STAMBPL1: variants seen among roughly 807,000 people sequenced by gnomAD.
The protein encoded by STAMBPL1 is AMSH-like protease.
STAMBPL1 carries 44 observed loss-of-function variants against 52.9 expected under a neutral mutation model. The ratio of observed to expected loss-of-function variants is 0.83; its 90% CI spans 0.65 to 1.07. The LOEUF (loss-of-function observed/expected upper bound fraction) is 1.07. Among genes scored for constraint, STAMBPL1 ranks in the 50% least tolerant of loss-of-function variants. The pLI, the probability that STAMBPL1 is intolerant of heterozygous loss-of-function variation, is 0.00. For synonymous variants in STAMBPL1, 164 were observed against 177.3 expected (o/e 0.92, Z 0.60); for missense variants, 511 against 520.8 (o/e 0.98, Z 0.18).
At chr10:88,898,529 A>G (rs748615097) in intron 1 of STAMBPL1, among the ~76,000 whole-genome samples, 15 of 152,192 alleles carry the variant, frequency 9.9e-5, no homozygotes, top group Non-Finnish European at 1.5e-4. Flanking sequence ...CAGCTAATAC[A>G]TGGTTCAAAA....
chr10:88,880,905 A>G (rs1844386667), intron 1 of STAMBPL1, among the ~76,000 whole-genome samples: 1 of 152,166 alleles, frequency 6.6e-6, no homozygotes, highest in Non-Finnish European at 1.5e-5. Flanking sequence ...ATAGGGAGGC[A>G]GGAAGACCTG....
intron 1 of STAMBPL1, among the ~76,000 whole-genome samples, chr10:88,893,063 G>C (rs1844726878): frequency 6.6e-6 from 1 of 152,138 alleles, no homozygotes; most frequent in African/African-American, 2.4e-5. Flanking sequence ...GTGCCTTATG[G>C]GTAGCTTATC....
rs142308349 is a variant in STAMBPL1, at chr10:88,892,023, G to GA, written c.-53-9624dup. Among the ~76,000 whole-genome samples, 1,208 of 148,202 alleles carry GA rather than the reference G, an allele frequency of 8.2e-3. 13 individuals are homozygous for GA. Among genetic ancestry groups the GA allele is most frequent in the South Asian group, 0.043 (202 of 4,708 alleles). The stretch of plus-strand genomic sequence containing the variant: ...AAAGCTCAAATTAAGCTGAAGCCAT[G>GA]AAAAAAAAAGGTGTCTTATAGAATA... On this transcript the variant is annotated intron_variant, in intron 1 of 10. Coordinates refer to ENST00000371926, the MANE Select transcript of STAMBPL1 (RefSeq NM_020799.4).
chr10:88,897,408 G>T (rs572124045), intron 1 of STAMBPL1, among the ~76,000 whole-genome samples: 1 of 152,260 alleles, frequency 6.6e-6, no homozygotes, highest in Admixed American at 6.5e-5. Context: ...GAAAAAAAAT[G>T]ATGATGTCTT....
At chr10:88,899,119 G>T (rs1158235544) in intron 1 of STAMBPL1, among the ~76,000 whole-genome samples, 3 of 152,156 alleles carry the variant, frequency 2.0e-5, no homozygotes, top group African/African-American at 7.2e-5. Flanking sequence ...TCTTGGATAT[G>T]TAGCTTCCAA....
intron 1 of STAMBPL1, among the ~76,000 whole-genome samples, chr10:88,881,898 C>G (rs1385709275): frequency 6.6e-6 from 1 of 152,204 alleles, no homozygotes; most frequent in Non-Finnish European, 1.5e-5. Context: ...TAATGTGTCG[C>G]TGAGCAGTAG....
chr10:88,920,285 T>G (rs1424440523), intron 8 of STAMBPL1, among the ~76,000 whole-genome samples: 2 of 152,240 alleles, frequency 1.3e-5, no homozygotes, highest in Non-Finnish European at 1.5e-5. Flanking sequence ...CAACAGCTAA[T>G]GACTTTTATT....
At chr10:88,883,982 C>G (rs1291516354) in intron 1 of STAMBPL1, among the ~76,000 whole-genome samples, 1 of 152,100 alleles carries the variant, frequency 6.6e-6, no homozygotes, top group Non-Finnish European at 1.5e-5. Flanking sequence ...TTCAGGATGA[C>G]AGATTAGAAA....
At chr10:88,915,797 G>A (rs1276350175) in intron 7 of STAMBPL1, among the ~76,000 whole-genome samples, 1 of 152,120 alleles carries the variant, frequency 6.6e-6, no homozygotes, top group African/African-American at 2.4e-5. Flanking sequence ...CCTTGTCTGA[G>A]GGGTCAAGAA....
intron 5 of STAMBPL1, chr10:88,912,790 G>A (rs1845260364): frequency 3.9e-6 from 1 of 258,430 alleles, no homozygotes; most frequent in Non-Finnish European, 7.4e-6. Flanking sequence ...ATATGGTCTT[G>A]TTGGTCTGAC....
intron 5 of STAMBPL1, chr10:88,912,504 A>G (rs944262723): frequency 6.6e-6 from 1 of 152,124 alleles, no homozygotes; most frequent in Non-Finnish European, 1.5e-5. Context: ...CTTATCCATA[A>G]ATTTCCAGCA....
rs1369020689 is a variant in STAMBPL1, at chr10:88,913,292, G to C, written c.612G>C (p.Glu204Asp). The change falls in exon 6 of 11, where the codon GAG (glutamate) becomes GAC (aspartate). Residue 204 changes from glutamate (E) to aspartate (D), a missense_variant. Around this residue, in one of 3 missense-constraint regions of STAMBPL1, gnomAD observed 358 missense variants for 343.5 expected, o/e 1.04. Transcript: ENST00000371926. ...MRSQQTSGLS[E>D]QIDGSALSCF... ...GTCAGCAAACCTCAGGGCTGTCAGA[G>C]CAGATTGATGGGAGCGCTTTGTCCT... 3.7e-6 allele frequency: 6 copies of C among 1,613,778 alleles called. No individual in the cohort carries two copies. The highest frequency in any genetic ancestry group is 1.7e-5 in the Admixed American group (1 of 59,956).
intron 4 of STAMBPL1, among the ~76,000 whole-genome samples, chr10:88,910,444 G>C (rs369374161): frequency 3.9e-5 from 6 of 152,244 alleles, no homozygotes; most frequent in African/African-American, 1.4e-4. Flanking sequence ...ATTAGGCTTG[G>C]GGGGGTCTGT....
At position 88,910,917 on chromosome 10, in the gene STAMBPL1, A is replaced by G. The variant is rs1246540667; in HGVS notation, c.326A>G (p.Lys109Arg). The change falls in exon 5 of 11, where the codon AAA (lysine) becomes AGA (arginine). Residue 109 changes from lysine (K) to arginine (R), a missense_variant and splice_region_variant. By Grantham distance (26) the Lys-to-Arg change is conservative. This residue lies in a region of STAMBPL1 where 358 missense variants were observed against 343.5 expected (regional missense o/e 1.04). Transcript: ENST00000371926. ...AVPEKQDIMKKLKEIAFPRTD... is the reference protein window; with the variant it reads ...AVPEKQDIMKRLKEIAFPRTD... ...AATATGTATATATATTTTTAAAAGA[A>G]ACTGAAGGAGATTGCATTCCCAAGG... The G allele has an allele frequency of 6.3e-7, 1 of 1,580,298 alleles. No individual in the cohort carries two copies. Among genetic ancestry groups the G allele is most frequent in the South Asian group, 1.2e-5 (1 of 82,976 alleles).
At chr10:88,885,120 A>G (rs766694506) in intron 1 of STAMBPL1, among the ~76,000 whole-genome samples, 1 of 152,220 alleles carries the variant, frequency 6.6e-6, no homozygotes, top group Non-Finnish European at 1.5e-5. Context: ...GCTCAGCATC[A>G]TAGGCTGGTA....
chr10:88,884,829 G>T (rs926192310), intron 1 of STAMBPL1, among the ~76,000 whole-genome samples: 92 of 152,310 alleles, frequency 6.0e-4, no homozygotes, highest in African/African-American at 2.1e-3. Context: ...TTGGAAACAG[G>T]ATACTTTTTC....
chr10:88,913,993 C>G (rs1845302810), intron 6 of STAMBPL1, among the ~76,000 whole-genome samples: 1 of 152,166 alleles, frequency 6.6e-6, no homozygotes, highest in African/African-American at 2.4e-5. Context: ...TGGCAAGTTT[C>G]CAAAACACAG....
In STAMBPL1 at chr10:88,904,545, A is replaced by T. The variant is rs531401203; in HGVS notation, c.31-898A>T. On this transcript the variant is annotated intron_variant, in intron 2 of 10. Coordinates refer to ENST00000371926, the MANE Select transcript of STAMBPL1 (RefSeq NM_020799.4). Reference sequence around the variant, plus strand: ...ATTTTTATCCATATTGTTTATGGTGACTTTCATGCTGAGAGCTGAATTCAA... The same window carrying T: ...ATTTTTATCCATATTGTTTATGGTGTCTTTCATGCTGAGAGCTGAATTCAA... Among the ~76,000 whole-genome samples, 7 of 152,298 alleles carry T rather than the reference A, an allele frequency of 4.6e-5. No homozygotes were observed. In the South Asian group the frequency reaches 1.4e-3, roughly 32 times the overall value.
intron 5 of STAMBPL1, 187 bp from the exon 6 acceptor site, chr10:88,912,914 T>C (rs1160649060): frequency 8.0e-6 from 5 of 623,072 alleles, no homozygotes; most frequent in Non-Finnish European, 1.4e-5. Flanking sequence ...AGAACTGCTA[T>C]GTTAATCAGA....
Sources: gnomAD v4.1 joint callset for allele counts (sites outside exome capture counted in the v4.1 genomes callset) on GRCh38, gnomAD v4.1.1 for gene constraint, gnomAD v4.1.1 regional missense constraint, MANE v1.5 for transcripts, NCBI Gene and HGNC (gene_info 2026-07-23, HGNC 2026-07-21) for gene names.